ENOX1: variants seen among roughly 807,000 people sequenced by gnomAD.
ENOX1 encodes the protein candidate growth-related and time keeping constitutive hydroquinone (NADH) oxidase.
A neutral mutation model predicts 82.5 loss-of-function variants in ENOX1; 42 were observed. The ratio of observed to expected loss-of-function variants is 0.51; its 90% CI spans 0.40 to 0.66. ENOX1 has a LOEUF of 0.66. Ranked by LOEUF, ENOX1 falls within the 30% of genes least tolerant of loss-of-function variation. The probability of loss-of-function intolerance (pLI) is 0.00; values close to 1 mark genes in which losing one functional copy is unlikely to be tolerated. For synonymous variants in ENOX1, 271 were observed against 282.2 expected (o/e 0.96, Z 0.40); for missense variants, 608 against 811.6 (o/e 0.75, Z 3.05).
intron 1 of ENOX1, among the ~76,000 whole-genome samples, chr13:43,694,096 T>G (rs2086511401): frequency 6.6e-6 from 1 of 152,150 alleles, no homozygotes; most frequent in Non-Finnish European, 1.5e-5. Context: ...TTTATTCCCT[T>G]TGCTAATTGA....
chr13:43,486,038 G>A (rs766515573), intron 2 of ENOX1, among the ~76,000 whole-genome samples: 109 of 152,238 alleles, frequency 7.2e-4, no homozygotes, highest in African/African-American at 1.8e-3. Flanking sequence ...GTGAAAGCCC[G>A]TCTCTACTAA....
intron 2 of ENOX1, among the ~76,000 whole-genome samples, chr13:43,643,485 C>T (rs2083750073): frequency 6.6e-6 from 1 of 152,098 alleles, no homozygotes; most frequent in South Asian, 2.1e-4. Flanking sequence ...TTTGGAATAG[C>T]TACTATTTTA....
chr13:43,378,140 T>C (rs918897292), intron 5 of ENOX1, among the ~76,000 whole-genome samples: 1 of 152,194 alleles, frequency 6.6e-6, no homozygotes, highest in Non-Finnish European at 1.5e-5. Flanking sequence ...GGTTTTCAGA[T>C]ACTGGGCATG....
intron 14 of ENOX1, among the ~76,000 whole-genome samples, chr13:43,249,681 GT>G (rs1398134414): frequency 6.6e-6 from 1 of 152,048 alleles, no homozygotes; most frequent in Non-Finnish European, 1.5e-5. Flanking sequence ...AATTTAGAGG[GT>G]TTTTTGACCT....
chr13:43,256,019 C>A (rs111989374), intron 14 of ENOX1, among the ~76,000 whole-genome samples: 7 of 152,202 alleles, frequency 4.6e-5, no homozygotes, highest in South Asian at 2.1e-4. Context: ...CATTTATAGC[C>A]AACTGATTTT....
chr13:43,595,123 G>A (rs1594012051), intron 2 of ENOX1, among the ~76,000 whole-genome samples: 1 of 149,298 alleles, frequency 6.7e-6, no homozygotes, highest in Non-Finnish European at 1.5e-5. Context: ...GGTGCCTTAG[G>A]GAGGGAAAGC....
intron 15 of ENOX1, among the ~76,000 whole-genome samples, chr13:43,233,448 A>G (rs572295967): frequency 6.6e-6 from 1 of 152,256 alleles, no homozygotes; most frequent in South Asian, 2.1e-4. Flanking sequence ...ATAAATATCA[A>G]CTTTATGCCT....
chr13:43,373,311 A>G (rs774512143), intron 5 of ENOX1, among the ~76,000 whole-genome samples: 25 of 152,208 alleles, frequency 1.6e-4, no homozygotes, highest in Non-Finnish European at 2.8e-4. Flanking sequence ...TCTACAAAAG[A>G]AACTTCTCCA....
intron 1 of ENOX1, among the ~76,000 whole-genome samples, chr13:43,708,923 C>T (rs959487056): frequency 6.6e-6 from 1 of 152,008 alleles, no homozygotes; most frequent in African/African-American, 2.4e-5. Flanking sequence ...AATGAAACGG[C>T]AAGCCATAGA....
intron 3 of ENOX1, among the ~76,000 whole-genome samples, chr13:43,435,790 A>G (rs2055988301): frequency 6.6e-6 from 1 of 152,194 alleles, no homozygotes; most frequent in African/African-American, 2.4e-5. Flanking sequence ...GTCAATAACT[A>G]GATGTTGAAA....
At chr13:43,671,731 A>G (rs1050294915) in intron 1 of ENOX1, among the ~76,000 whole-genome samples, 2 of 152,146 alleles carry the variant, frequency 1.3e-5, no homozygotes, top group Non-Finnish European at 2.9e-5. Flanking sequence ...GAAGGGGAAG[A>G]GGAGACATGA....
intron 5 of ENOX1, among the ~76,000 whole-genome samples, chr13:43,375,038 T>C (rs2051521350): frequency 6.6e-6 from 1 of 152,230 alleles, no homozygotes; most frequent in Non-Finnish European, 1.5e-5. Flanking sequence ...AACTGTATGA[T>C]GGACGTTTAT....
intron 2 of ENOX1, among the ~76,000 whole-genome samples, chr13:43,529,802 C>T (rs577037366): frequency 6.6e-6 from 1 of 152,180 alleles, no homozygotes; most frequent in African/African-American, 2.4e-5. Flanking sequence ...AAGTAACTTT[C>T]CTAAATGATA....
chr13:43,244,978 G>C (rs546388032), intron 14 of ENOX1, among the ~76,000 whole-genome samples: 7 of 152,278 alleles, frequency 4.6e-5, no homozygotes, highest in Admixed American at 4.6e-4. Flanking sequence ...ATTTTGCAAA[G>C]TTTCAAAAGC....
chr13:43,261,850 GA>G (rs2044083347), intron 14 of ENOX1, among the ~76,000 whole-genome samples: 1 of 114,758 alleles, frequency 8.7e-6, no homozygotes, highest in African/African-American at 3.3e-5. Flanking sequence ...GGGGTGGGGG[GA>G]GGGGGGAGGG....
At chr13:43,561,594 A>C (rs1321724572) in intron 2 of ENOX1, among the ~76,000 whole-genome samples, 2 of 152,172 alleles carry the variant, frequency 1.3e-5, no homozygotes, top group Non-Finnish European at 1.5e-5. Context: ...ATAGCACAAT[A>C]GAAAAGTTAG....
intron 14 of ENOX1, among the ~76,000 whole-genome samples, chr13:43,261,437 G>A (rs1482224416): frequency 6.6e-6 from 1 of 152,150 alleles, no homozygotes; most frequent in African/African-American, 2.4e-5. Flanking sequence ...AAACAAATAT[G>A]AGATGCAACC....
chr13:43,241,843 T>G (rs1339930470), intron 14 of ENOX1, among the ~76,000 whole-genome samples: 1 of 152,156 alleles, frequency 6.6e-6, no homozygotes, highest in Non-Finnish European at 1.5e-5. Flanking sequence ...TCAAAGTAAT[T>G]TATCATTTAG....
At chr13:43,705,329 T>TATA (rs1479690154) in intron 1 of ENOX1, among the ~76,000 whole-genome samples, 1 of 21,498 alleles carries the variant, frequency 4.7e-5, no homozygotes, top group East Asian at 7.7e-4. Context: ...TCTCTCTCTC[T>TATA]CTATATATAT....
Sources: gnomAD v4.1 joint callset for allele counts (sites outside exome capture counted in the v4.1 genomes callset) on GRCh38, gnomAD v4.1.1 for gene constraint, MANE v1.5 for transcripts, NCBI Gene and HGNC (gene_info 2026-07-23, HGNC 2026-07-21) for gene names.